Variants in DGKE observed in about 807,000 individuals in gnomAD.
DGKE encodes DAG kinase epsilon.
DGKE carries 53 observed loss-of-function variants against 70.0 expected under a neutral mutation model. That is an observed-to-expected ratio of 0.76 (90% CI 0.61 to 0.95). The LOEUF (loss-of-function observed/expected upper bound fraction) is 0.95. DGKE is among the 40% of genes least tolerant of loss of function. The pLI is 0.00. For synonymous variants in DGKE, 291 were observed against 257.0 expected, an observed-to-expected ratio of 1.13 and a Z score of -1.27; for missense variants, 655 against 706.9, an observed-to-expected ratio of 0.93 and a Z score of 0.83.
chr17:56,835,696 T>A (rs1252614555), intron 2 of DGKE: 1 of 219,624 alleles, frequency 4.6e-6, no homozygotes, highest in African/African-American at 2.3e-5. Context: ...AAAACAAGTG[T>A]CATTCCAAGG....
At chr17:56,843,471 G>A (rs1836071228) in intron 2 of DGKE, among the ~76,000 whole-genome samples, 1 of 152,038 alleles carries the variant, frequency 6.6e-6, no homozygotes, top group South Asian at 2.1e-4. Context: ...CCTCACAGAT[G>A]CCCTGAATGG....
intron 2 of DGKE, chr17:56,835,493 A>G: frequency 1.8e-6 from 1 of 549,470 alleles, no homozygotes; most frequent in East Asian, 3.0e-5. Context: ...TTTGGGTAAT[A>G]AAACTTGGCT....
intron 2 of DGKE, among the ~76,000 whole-genome samples, chr17:56,840,315 T>C (rs1051577515): frequency 6.6e-6 from 1 of 152,214 alleles, no homozygotes; most frequent in Non-Finnish European, 1.5e-5. Flanking sequence ...GAAGGTTAAC[T>C]CTTCATAATA....
chr17:56,835,368 T>C, intron 2 of DGKE, 109 bp downstream of exon 2: 4 of 1,189,058 alleles, frequency 3.4e-6, no homozygotes, highest in South Asian at 1.5e-5. Flanking sequence ...TAAACTCATT[T>C]TGAGGAAACA....
intron 7 of DGKE, among the ~76,000 whole-genome samples, chr17:56,852,004 G>T (rs977440973): frequency 1.3e-5 from 2 of 152,068 alleles, no homozygotes; most frequent in Non-Finnish European, 2.9e-5. Context: ...AGAGTTCAAG[G>T]CTGCGGTGAG....
intron 7 of DGKE, among the ~76,000 whole-genome samples, chr17:56,853,962 A>G (rs939800532): frequency 6.6e-6 from 1 of 151,792 alleles, no homozygotes; most frequent in African/African-American, 2.4e-5. Flanking sequence ...TATATACACA[A>G]TGGAAAACTA....
In DGKE at chr17:56,864,850, A is replaced by G. The variant is rs927897144; in HGVS notation, c.*2059A>G. 4 of 152,182 alleles carry G rather than the reference A, an allele frequency of 2.6e-5. No homozygotes were observed. The highest frequency in any genetic ancestry group is 1.3e-4 in the Admixed American group (2 of 15,288). The allele number at this position is 152,182 out of a possible 1,614,324, so 9.4% of individuals were successfully genotyped here. On this transcript the variant is annotated 3_prime_UTR_variant, in exon 12 of 12. Transcript: ENST00000284061. ...GTGAAAACTACAATTAAAAATTATA[A>G]TTTTAATACCAACCATAATATTACA...
chr17:56,861,985 C>CT (rs1473126065), intron 10 of DGKE, 67 bp downstream of exon 10: 37 of 1,544,672 alleles, frequency 2.4e-5, no homozygotes, highest in Non-Finnish European at 2.9e-5. Flanking sequence ...TGTTTATAGA[C>CT]TTTAACATTT....
Position 56,845,703 on chromosome 17 carries a change from T to C in DGKE, c.638T>C (p.Leu213Pro). ...KTDYEVLASK[L>P]GKQWTPLIIL... ...AATTTTTTTTAGCTAGCCTCTAAGC[T>C]TGGAAAGCAGTGGACCCCATTAATA... is the stretch of plus-strand genomic sequence containing the variant. Residue 213 changes from leucine to proline, a missense_variant, in exon 4 of 12, where the codon CTT (leucine) becomes CCT (proline). Coordinates refer to ENST00000284061, the MANE Select transcript of DGKE (RefSeq NM_003647.3). 1 of 1,609,876 alleles carries C rather than the reference T, an allele frequency of 6.2e-7. No homozygotes were observed. The highest frequency in any genetic ancestry group is 8.5e-7 in the Non-Finnish European group (1 of 1,178,294).
intron 7 of DGKE, 111 bp from the exon 8 acceptor site, chr17:56,856,401 C>A: frequency 8.3e-7 from 1 of 1,201,086 alleles, no homozygotes; most frequent in Non-Finnish European, 1.1e-6. Flanking sequence ...AAAGTAAATG[C>A]AGAAAGCATC....
At chr17:56,858,071 C>CAAAAAAAAA (rs11449627) in intron 8 of DGKE, among the ~76,000 whole-genome samples, 2 of 100,462 alleles carry the variant, frequency 2.0e-5, no homozygotes, top group African/African-American at 3.9e-5. Context: ...GACTCCATCT[C>CAAAAAAAAA]AAAAAAAAAA....
intron 7 of DGKE, among the ~76,000 whole-genome samples, chr17:56,849,530 G>A (rs904960433): frequency 6.6e-6 from 1 of 152,172 alleles, no homozygotes; most frequent in African/African-American, 2.4e-5. Context: ...AGAGTGCAAA[G>A]CATGGTTAGC....
chr17:56,839,732 G>A (rs1906849561), intron 2 of DGKE, among the ~76,000 whole-genome samples: 1 of 151,852 alleles, frequency 6.6e-6, no homozygotes, highest in Admixed American at 6.6e-5. Flanking sequence ...TATTGCCCAG[G>A]CTGGTCTCAA....
chr17:56,846,314 A>G (rs1907283908), intron 4 of DGKE: 1 of 152,344 alleles, frequency 6.6e-6, no homozygotes. Context: ...GAAGGCAGAT[A>G]CAAGGGACCT....
At position 56,834,776 on chromosome 17, in the gene DGKE, AGGTATCGTCCTT is replaced by A; in HGVS notation, c.-17_-6del. On this transcript the variant is annotated splice_acceptor_variant and 5_prime_UTR_variant, in exon 2 of 12. Transcript: ENST00000284061. LOFTEE classifies it low-confidence loss of function (5UTR_SPLICE). Reference sequence around the variant, plus strand: ...TGCACCGCCTGTTTCTTTTCTGGTTAGGTATCGTCCTTGGAGAAGATGGAAGCGGAGAGGCGG... The same window carrying A: ...TGCACCGCCTGTTTCTTTTCTGGTTAGGAGAAGATGGAAGCGGAGAGGCGG... 1 of 1,575,096 alleles carries A rather than the reference AGGTATCGTCCTT, an allele frequency of 6.3e-7. No homozygotes were observed. The highest frequency in any genetic ancestry group is 8.6e-7 in the Non-Finnish European group (1 of 1,161,438).
intron 2 of DGKE, among the ~76,000 whole-genome samples, chr17:56,842,278 T>G (rs898433709): frequency 2.0e-5 from 3 of 152,210 alleles, no homozygotes; most frequent in Admixed American, 2.0e-4. Flanking sequence ...TTTTAAAATT[T>G]ATACAAGTAG....
chr17:56,858,925 T>C (rs1268942412), intron 9 of DGKE, among the ~76,000 whole-genome samples: 2 of 152,184 alleles, frequency 1.3e-5, no homozygotes, highest in Non-Finnish European at 2.9e-5. Flanking sequence ...GCCCAAATTC[T>C]CTCATTTAAT....
intron 7 of DGKE, among the ~76,000 whole-genome samples, chr17:56,850,327 C>G (rs1420454256): frequency 3.3e-5 from 5 of 151,866 alleles, no homozygotes; most frequent in African/African-American, 1.2e-4. Flanking sequence ...GAGAGAGGGT[C>G]TCCCTATATT....
Position 56,862,717 on chromosome 17 carries a change from T to C in DGKE, c.1630T>C (p.Tyr544His). ...ITHKTHAMML[Y>H]FSGEQTDDDI... ...TCACAAGACACATGCAATGATGTTA[T>C]ATTTCTCTGGAGAACAAACAGATGA... Residue 544 changes from tyrosine (Y) to histidine (H), a missense_variant, in exon 12 of 12, where the codon TAT becomes CAT. Transcript: ENST00000284061. 1 of 1,611,274 alleles carries C rather than the reference T, an allele frequency of 6.2e-7. No individual in the cohort carries two copies. Among genetic ancestry groups the C allele is most frequent in the Non-Finnish European group, 8.5e-7 (1 of 1,179,234 alleles).
Sources: allele counts gnomAD v4.1 joint callset (sites outside exome capture counted in the v4.1 genomes callset), GRCh38; gene constraint gnomAD v4.1.1; transcripts MANE v1.5; gene names NCBI Gene and HGNC (gene_info 2026-07-23, HGNC 2026-07-21).